Variants in LUZP2 observed in about 807,000 individuals in gnomAD.
LUZP2 encodes the protein leucine zipper protein 2.
LUZP2 carries 52 observed loss-of-function variants against 51.6 expected under a neutral mutation model. That is an observed-to-expected ratio of 1.01 (90% confidence interval 0.81 to 1.27). LUZP2 has a LOEUF of 1.27. LUZP2 is among the 50% of genes most tolerant of loss of function. LUZP2 has a pLI of 0.00. For missense variants in LUZP2, 436 were observed against 395.4 expected, an observed-to-expected ratio of 1.10 and a Z score of -0.87; for synonymous variants, 154 against 137.3, an observed-to-expected ratio of 1.12 and a Z score of -0.85.
chr11:24,986,781 A>G (rs1246137800), intron 9 of LUZP2, among the ~76,000 whole-genome samples: 2 of 151,736 alleles, frequency 1.3e-5, no homozygotes, highest in Admixed American at 6.6e-5. Flanking sequence ...TTTATAAAAT[A>G]TATGCTTTAT....
chr11:24,992,585 A>G (rs1856381991), intron 9 of LUZP2, among the ~76,000 whole-genome samples: 1 of 152,162 alleles, frequency 6.6e-6, no homozygotes, highest in Non-Finnish European at 1.5e-5. Flanking sequence ...TATTCAATTA[A>G]TATTTGTTGA....
At chr11:24,779,518 C>T (rs1849028683) in intron 5 of LUZP2, among the ~76,000 whole-genome samples, 1 of 152,156 alleles carries the variant, frequency 6.6e-6, no homozygotes, top group Non-Finnish European at 1.5e-5. Context: ...GAATAACTAT[C>T]ATTGTGCCAC....
At chr11:24,706,352 T>C (rs1857582817) in intron 1 of LUZP2, among the ~76,000 whole-genome samples, 1 of 152,136 alleles carries the variant, frequency 6.6e-6, no homozygotes, top group African/African-American at 2.4e-5. Context: ...AAACCTCTCA[T>C]CTTGTCTTTC....
intron 1 of LUZP2, among the ~76,000 whole-genome samples, chr11:24,715,061 A>T (rs1036995220): frequency 6.6e-6 from 1 of 152,176 alleles, no homozygotes; most frequent in East Asian, 1.9e-4. Flanking sequence ...TTGCTTAGGT[A>T]ACTGACATTT....
chr11:25,046,501 T>A (rs1858314898), intron 9 of LUZP2, among the ~76,000 whole-genome samples: 1 of 151,878 alleles, frequency 6.6e-6, no homozygotes, highest in African/African-American at 2.4e-5. Context: ...CTTCTCTTAA[T>A]CCTAAAAAAA....
intron 5 of LUZP2, among the ~76,000 whole-genome samples, chr11:24,832,366 A>C (rs1350727012): frequency 6.6e-6 from 1 of 152,012 alleles, no homozygotes; most frequent in Non-Finnish European, 1.5e-5. Flanking sequence ...TTGCACGCTT[A>C]CAGGGGACTG....
intron 1 of LUZP2, among the ~76,000 whole-genome samples, chr11:24,643,763 A>C (rs538542826): frequency 1.3e-5 from 2 of 152,324 alleles, no homozygotes; most frequent in East Asian, 1.9e-4. Flanking sequence ...TATTGAAAAA[A>C]AAGATACACC....
At chr11:24,590,396 G>T (rs148044602) in intron 1 of LUZP2, among the ~76,000 whole-genome samples, 90 of 152,218 alleles carry the variant, frequency 5.9e-4, no homozygotes, top group African/African-American at 2.1e-3. Flanking sequence ...ATTACCTGAT[G>T]CATTTATCAT....
At chr11:25,070,069 T>C (rs978931086) in intron 10 of LUZP2, among the ~76,000 whole-genome samples, 2 of 151,936 alleles carry the variant, frequency 1.3e-5, no homozygotes, top group African/African-American at 4.8e-5. Flanking sequence ...CATTTAGGGA[T>C]TGAGCTGAGT....
intron 5 of LUZP2, among the ~76,000 whole-genome samples, chr11:24,795,695 T>A (rs1012742987): frequency 2.6e-5 from 4 of 152,082 alleles, no homozygotes; most frequent in African/African-American, 9.7e-5. Context: ...CTCTCCTCTG[T>A]TTTTACGGTG....
At chr11:24,605,946 T>C (rs1171512001) in intron 1 of LUZP2, among the ~76,000 whole-genome samples, 5 of 151,862 alleles carry the variant, frequency 3.3e-5, no homozygotes, top group Non-Finnish European at 4.4e-5. Flanking sequence ...TTAATTGAGG[T>C]CATGCTGTAT....
In LUZP2 at chr11:25,031,726, A is replaced by G. The variant is rs1435287347; in HGVS notation, c.766-18312A>G. ...TTTGATATGGGCATTTAGAAATTAT[A>G]CATCTTCCTACAAAGGGTTACCTTA... is the stretch of plus-strand genomic sequence containing the variant. On this transcript the variant is annotated intron_variant, in intron 9 of 11. Transcript: ENST00000336930. Among the ~76,000 whole-genome samples, 6 of 152,190 alleles carry G rather than the reference A, an allele frequency of 3.9e-5. No individual in the cohort carries two copies. In the East Asian group the frequency reaches 9.7e-4, roughly 25 times the overall value.
intron 5 of LUZP2, among the ~76,000 whole-genome samples, chr11:24,828,558 G>GA (rs57464249): frequency 0.021 from 2,804 of 134,934 alleles, 83 homozygotes; most frequent in African/African-American, 0.071. Context: ...CCCTGTGGCA[G>GA]AAAAAAAAAA....
intron 5 of LUZP2, among the ~76,000 whole-genome samples, chr11:24,819,402 C>T (rs371266138): frequency 6.6e-6 from 1 of 152,066 alleles, no homozygotes; most frequent in East Asian, 1.9e-4. Context: ...AGTAGTAGAC[C>T]TTTGAGTGAA....
intron 10 of LUZP2, among the ~76,000 whole-genome samples, chr11:25,054,261 G>T (rs1200069510): frequency 6.6e-6 from 1 of 152,148 alleles, no homozygotes; most frequent in Non-Finnish European, 1.5e-5. Flanking sequence ...AGACTTCCAA[G>T]ACCTTTATGT....
At chr11:24,891,319 C>T (rs1317816148) in intron 5 of LUZP2, 1 of 955,372 alleles carries the variant, frequency 1.0e-6, no homozygotes, top group Non-Finnish European at 1.2e-6. Flanking sequence ...GAAGCCATAT[C>T]ACAAACATAT....
chr11:24,932,372 A>G (rs563147034), intron 7 of LUZP2, among the ~76,000 whole-genome samples: 1 of 152,140 alleles, frequency 6.6e-6, no homozygotes, highest in South Asian at 2.1e-4. Flanking sequence ...CCACGAGATT[A>G]TGTACTTTGT....
chr11:24,780,968 G>A (rs80015790), intron 5 of LUZP2, among the ~76,000 whole-genome samples: 1,544 of 152,158 alleles, frequency 0.01, 14 homozygotes, highest in Non-Finnish European at 0.017. Context: ...AGAAATAGAG[G>A]GAAAGAGAAA....
intron 5 of LUZP2, among the ~76,000 whole-genome samples, chr11:24,828,538 C>T (rs2134173502): frequency 7.2e-6 from 1 of 139,696 alleles, no homozygotes; most frequent in South Asian, 2.4e-4. Flanking sequence ...ATACCTTGCA[C>T]AGCTACCATC....
Sources: gnomAD v4.1 joint callset for allele counts (sites outside exome capture counted in the v4.1 genomes callset) on GRCh38, gnomAD v4.1.1 for gene constraint, MANE v1.5 for transcripts, NCBI Gene and HGNC (gene_info 2026-07-23, HGNC 2026-07-21) for gene names.